Variants in CEP112 observed in about 807,000 individuals in gnomAD.
The protein encoded by CEP112 is centrosomal protein of 112 kDa.
Under a neutral mutation model 153.0 loss-of-function variants are expected in CEP112, and 127 were observed. The observed-to-expected ratio is 0.83, with a 90% confidence interval of 0.72 to 0.96. The LOEUF (loss-of-function observed/expected upper bound fraction) is 0.96. CEP112 is among the 40% of genes least tolerant of loss of function. The pLI, the probability that CEP112 is intolerant of heterozygous loss-of-function variation, is 0.00. For missense variants in CEP112, 1,089 were observed against 1,101.2 expected (o/e 0.99, Z 0.16); for synonymous variants, 358 against 374.4 (o/e 0.96, Z 0.51).
At chr17:66,101,569 C>T (rs922120978) in intron 6 of CEP112, among the ~76,000 whole-genome samples, 1 of 151,872 alleles carries the variant, frequency 6.6e-6, no homozygotes, top group African/African-American at 2.4e-5. Flanking sequence ...TAAAAGGCAG[C>T]AGCAATAAGT....
chr17:65,793,906 T>C (rs1448080749), intron 21 of CEP112, among the ~76,000 whole-genome samples: 3 of 152,230 alleles, frequency 2.0e-5, no homozygotes, highest in African/African-American at 7.2e-5. Flanking sequence ...TCTCTGTGAG[T>C]GCCCCCATTC....
At chr17:66,074,873 G>GAAAAAAAAAAAAAAAAAAAAAAAAAAAAA (rs1242846957) in intron 8 of CEP112, among the ~76,000 whole-genome samples, 1 of 91,280 alleles carries the variant, frequency 1.1e-5, no homozygotes. Flanking sequence ...AAAAAAAAAA[G>GAAAAAAAAAAAAAAAAAAAAAAAAAAAAA]AAAAAAAAAA....
intron 12 of CEP112, among the ~76,000 whole-genome samples, chr17:66,040,901 C>G (rs551695751): frequency 1.3e-5 from 2 of 152,116 alleles, no homozygotes; most frequent in Admixed American, 6.5e-5. Context: ...TTTTAAGAAA[C>G]CTTTGACTAG....
chr17:65,972,030 G>A (rs1323314035), intron 17 of CEP112, among the ~76,000 whole-genome samples: 1 of 152,180 alleles, frequency 6.6e-6, no homozygotes, highest in Non-Finnish European at 1.5e-5. Flanking sequence ...ACTAGGATTT[G>A]AAGAACACTA....
chr17:66,073,898 C>T (rs2067389476), intron 8 of CEP112, among the ~76,000 whole-genome samples: 1 of 151,902 alleles, frequency 6.6e-6, no homozygotes, highest in African/African-American at 2.4e-5. Flanking sequence ...ACCACAAGGT[C>T]CTTTATCTAG....
intron 24 of CEP112, among the ~76,000 whole-genome samples, chr17:65,662,094 G>T (rs2046419256): frequency 6.6e-6 from 1 of 152,094 alleles, no homozygotes; most frequent in Non-Finnish European, 1.5e-5. Context: ...TCGGCCTCCT[G>T]AGTAGCTGGG....
intron 17 of CEP112, among the ~76,000 whole-genome samples, chr17:65,962,804 C>T (rs1464377583): frequency 6.6e-6 from 1 of 152,182 alleles, no homozygotes; most frequent in African/African-American, 2.4e-5. Flanking sequence ...TGCCGCCATC[C>T]ATGTAAGATG....
intron 16 of CEP112, among the ~76,000 whole-genome samples, chr17:66,024,213 C>T (rs12450975): frequency 0.41 from 62,403 of 151,764 alleles, 14,270 homozygotes; most frequent in East Asian, 0.87. Flanking sequence ...GCCAACATCA[C>T]GATAAACAGG....
At chr17:66,004,220 A>G (rs4791104) in intron 17 of CEP112, among the ~76,000 whole-genome samples, 78,092 of 151,696 alleles carry the variant, frequency 0.51, 21,033 homozygotes, top group African/African-American at 0.59. Context: ...GGTGGCTCAC[A>G]CCTGTAATAC....
intron 23 of CEP112, among the ~76,000 whole-genome samples, chr17:65,700,493 C>T (rs2048576402): frequency 6.6e-6 from 1 of 152,024 alleles, no homozygotes; most frequent in Non-Finnish European, 1.5e-5. Flanking sequence ...GAGAGTGGTC[C>T]TGGGGAGTGA....
intron 17 of CEP112, among the ~76,000 whole-genome samples, chr17:65,976,656 T>G (rs2063043537): frequency 6.6e-6 from 1 of 152,190 alleles, no homozygotes; most frequent in South Asian, 2.1e-4. Context: ...TAAAAAGATC[T>G]TTTTAAAAAA....
At chr17:65,973,846 T>C (rs545346911) in intron 17 of CEP112, among the ~76,000 whole-genome samples, 226 of 152,310 alleles carry the variant, frequency 1.5e-3, no homozygotes, top group Middle Eastern at 3.4e-3. Context: ...AGTATGTACA[T>C]AGTTCAAAAT....
rs1297116571 is a variant in CEP112, at chr17:66,040,496, T to TTC, written c.1219-10474_1219-10473insGA. Among the ~76,000 whole-genome samples the TTC allele has an allele frequency of 2.0e-5, 3 of 147,712 alleles. No individual in the cohort carries two copies. The East Asian group carries it at 5.9e-4, about 29-fold the overall frequency. ...TGAATTGCCTTTTCCCTTTTTTTCT[T>TTC]TTTTTTTTTTTTTGAGACAGAGTCT... is the stretch of plus-strand genomic sequence containing the variant. On this transcript the variant is annotated intron_variant, in intron 12 of 26. Transcript: ENST00000535342.
intron 19 of CEP112, among the ~76,000 whole-genome samples, chr17:65,926,609 A>G (rs1454521713): frequency 6.6e-6 from 1 of 152,018 alleles, no homozygotes; most frequent in African/African-American, 2.4e-5. Context: ...GCTACTTGGG[A>G]GGCTGAGGCA....
chr17:65,940,156 A>C (rs953779540), intron 18 of CEP112, among the ~76,000 whole-genome samples: 1 of 152,202 alleles, frequency 6.6e-6, no homozygotes, highest in Non-Finnish European at 1.5e-5. Context: ...ATCACTAATT[A>C]GGGAAATGCC....
At chr17:65,975,374 T>C (rs1267289744) in intron 17 of CEP112, among the ~76,000 whole-genome samples, 1 of 152,116 alleles carries the variant, frequency 6.6e-6, no homozygotes, top group African/African-American at 2.4e-5. Context: ...TAGAGAGATA[T>C]AGAAATATAG....
At chr17:65,685,060 T>A (rs2047714288) in intron 24 of CEP112, among the ~76,000 whole-genome samples, 1 of 152,240 alleles carries the variant, frequency 6.6e-6, no homozygotes, top group Non-Finnish European at 1.5e-5. Context: ...TTGGTGTTAT[T>A]TCTCTTGAAT....
At chr17:65,841,926 G>A (rs1311534934) in intron 21 of CEP112, among the ~76,000 whole-genome samples, 5 of 150,842 alleles carry the variant, frequency 3.3e-5, no homozygotes, top group East Asian at 1.9e-4. Context: ...ACACACACAC[G>A]AGACTTAGGG....
At chr17:65,664,139 T>C (rs1259613814) in intron 24 of CEP112, among the ~76,000 whole-genome samples, 1 of 152,220 alleles carries the variant, frequency 6.6e-6, no homozygotes, top group African/African-American at 2.4e-5. Flanking sequence ...AAAAAGATCT[T>C]TGGCCATGGC....
Sources: gnomAD v4.1 joint callset for allele counts (sites outside exome capture counted in the v4.1 genomes callset) on GRCh38, gnomAD v4.1.1 for gene constraint, MANE v1.5 for transcripts, NCBI Gene and HGNC (gene_info 2026-07-23, HGNC 2026-07-21) for gene names.